SIK2: variants seen among roughly 807,000 people sequenced by gnomAD.
The protein encoded by SIK2 is serine/threonine-protein kinase SIK2.
SIK2 carries 29 observed loss-of-function variants against 103.2 expected under a neutral mutation model. The ratio of observed to expected loss-of-function variants is 0.28; its 90% CI spans 0.21 to 0.38. SIK2 has a LOEUF of 0.38. Among genes scored for constraint, SIK2 ranks in the 10% least tolerant of loss-of-function variants. SIK2 has a pLI of 1.00. For synonymous variants in SIK2, 412 were observed against 446.1 expected (o/e 0.92, Z 0.96); for missense variants, 879 against 1,171.0 (o/e 0.75, Z 3.64).
chr11:111,708,404 AT>A (rs1943409458), intron 8 of SIK2, among the ~76,000 whole-genome samples: 3 of 152,132 alleles, frequency 2.0e-5, no homozygotes, highest in South Asian at 4.1e-4. Flanking sequence ...ATAAAAAAAA[AT>A]AAATAAAGTA....
intron 3 of SIK2, among the ~76,000 whole-genome samples, chr11:111,658,336 G>A (rs1448257669): frequency 6.6e-6 from 1 of 151,938 alleles, no homozygotes; most frequent in Non-Finnish European, 1.5e-5. Context: ...TATTGGCCAG[G>A]CTGGTCTCAA....
rs1418934799 is a variant in SIK2, at chr11:111,649,522, G to A, written c.316+29120G>A. ...GGGAAAAGTCACTTATTAGGTACCAGGAGACTTGTGTAATTATCCAGCTCT... is the reference window on the plus strand; with the variant it reads ...GGGAAAAGTCACTTATTAGGTACCAAGAGACTTGTGTAATTATCCAGCTCT... On this transcript the variant is annotated intron_variant, in intron 3 of 14. Transcript: ENST00000304987. 3.9e-5 allele frequency among the ~76,000 whole-genome samples: 6 copies of A among 151,946 alleles called. 1 individual carries two copies. In the South Asian group the frequency reaches 6.2e-4, roughly 16 times the overall value.
At chr11:111,644,463 T>A (rs1312639879) in intron 3 of SIK2, among the ~76,000 whole-genome samples, 2 of 151,982 alleles carry the variant, frequency 1.3e-5, no homozygotes, top group Non-Finnish European at 2.9e-5. Flanking sequence ...CAGGCACGTA[T>A]CTCGTTTTCT....
At chr11:111,719,519 G>T (rs568264969) in intron 9 of SIK2, among the ~76,000 whole-genome samples, 1 of 151,950 alleles carries the variant, frequency 6.6e-6, no homozygotes, top group African/African-American at 2.4e-5. Context: ...GTTGTTTATT[G>T]TAATAATGAT....
intron 1 of SIK2, among the ~76,000 whole-genome samples, chr11:111,610,639 G>GT (rs1394303665): frequency 1.3e-5 from 2 of 151,886 alleles, no homozygotes. Context: ...CTTTCATAGT[G>GT]TTTTTTAAAA....
intron 3 of SIK2, among the ~76,000 whole-genome samples, chr11:111,648,765 T>A (rs902131475): frequency 4.6e-5 from 7 of 151,980 alleles, no homozygotes. Flanking sequence ...CATTGTATGT[T>A]TGTTCTTGTG....
Position 111,701,355 on chromosome 11 carries a change from C to T in SIK2, c.604-97C>T, listed in dbSNP as rs1943207651. 1 of 1,418,776 alleles carries T rather than the reference C, an allele frequency of 7.0e-7. No homozygotes were observed. Among genetic ancestry groups the T allele is most frequent in the African/African-American group, 1.4e-5 (1 of 69,624 alleles). The allele number at this position is 1,418,776 out of a possible 1,614,324, so 87.9% of individuals were successfully genotyped here. On this transcript the variant is annotated intron_variant, in intron 5 of 14. Coordinates refer to ENST00000304987, the MANE Select transcript of SIK2 (RefSeq NM_015191.3). This position sits in a 1 kb window ranked among gnomAD's most constrained non-coding sequence, Gnocchi z 4.2. ...ATAATAAATCCAGACAGGAATTTTT[C>T]AGTCCATATGATTTCAAGAGCCCTG...
intron 4 of SIK2, among the ~76,000 whole-genome samples, chr11:111,692,387 A>AAC (rs1565360226): frequency 8.8e-6 from 1 of 113,402 alleles, no homozygotes; most frequent in African/African-American, 3.1e-5. Context: ...AAAAAAAAAA[A>AAC]ACACAAAAAG....
intron 1 of SIK2, among the ~76,000 whole-genome samples, chr11:111,615,087 C>T (rs1436191615): frequency 6.6e-6 from 1 of 151,676 alleles, no homozygotes; most frequent in Non-Finnish European, 1.5e-5. Flanking sequence ...TGCAGTGAGC[C>T]AAGATCGTGC....
intron 12 of SIK2, among the ~76,000 whole-genome samples, 162 bp from the exon 13 acceptor site, chr11:111,721,668 G>A (rs1943804948): frequency 1.3e-5 from 2 of 152,200 alleles, no homozygotes; most frequent in African/African-American, 4.8e-5. Flanking sequence ...GTTCTGCAGA[G>A]TAATGAGCCC....
rs1944010578 is a variant in SIK2 at position 111,727,484 on chromosome 11, T to C, written c.*3355T>C. ...TTGTGTCCCTTCCCAACTCTGGTGC[T>C]GGAGTAATGGGGTGCTCTGCATTTT... On this transcript the variant is annotated 3_prime_UTR_variant, in exon 15 of 15. Coordinates refer to ENST00000304987, the MANE Select transcript of SIK2 (RefSeq NM_015191.3). 5.3e-6 allele frequency: 1 copy of C among 186,992 alleles called. No homozygotes were observed. The highest frequency in any genetic ancestry group is 1.4e-4 in the South Asian group (1 of 7,404). 11.6% of individuals were successfully genotyped at this position (186,992 alleles called of 1,614,324 possible). A position where few individuals can be genotyped will look rare whatever the true frequency, so the allele number is the denominator to read the frequency against.
chr11:111,625,561 G>C (rs962629698), intron 3 of SIK2, among the ~76,000 whole-genome samples: 1 of 152,312 alleles, frequency 6.6e-6, no homozygotes, highest in Admixed American at 6.5e-5. Context: ...TGGTATCCTA[G>C]AAACCAAGTG....
chr11:111,719,391 A>T (rs2135967676), intron 9 of SIK2, among the ~76,000 whole-genome samples: 1 of 124,616 alleles, frequency 8.0e-6, no homozygotes, highest in African/African-American at 2.9e-5. Flanking sequence ...TGAGCCAAGT[A>T]GTTAAAAAAA....
At chr11:111,646,425 G>A (rs1364995417) in intron 3 of SIK2, among the ~76,000 whole-genome samples, 1 of 152,078 alleles carries the variant, frequency 6.6e-6, no homozygotes, top group East Asian at 1.9e-4. Flanking sequence ...CTCCAGCCTG[G>A]GCAACAAGAG....
chr11:111,621,150 A>G (rs1591590945), intron 3 of SIK2, among the ~76,000 whole-genome samples: 1 of 152,232 alleles, frequency 6.6e-6, no homozygotes, highest in South Asian at 2.1e-4. Context: ...GTTTTGATAC[A>G]CGTTTGTGAA....
At chr11:111,678,561 T>C (rs1942736405) in intron 3 of SIK2, among the ~76,000 whole-genome samples, 1 of 152,226 alleles carries the variant, frequency 6.6e-6, no homozygotes, top group East Asian at 1.9e-4. Flanking sequence ...TTTATTCTCA[T>C]TGACTGAGAT....
At chr11:111,680,575 C>A (rs1403753937) in intron 3 of SIK2, among the ~76,000 whole-genome samples, 1 of 151,980 alleles carries the variant, frequency 6.6e-6, no homozygotes, top group Non-Finnish European at 1.5e-5. Context: ...TATTCAGCTC[C>A]ATCTTTGAGG....
chr11:111,692,366 A>C (rs942959163), intron 4 of SIK2, among the ~76,000 whole-genome samples: 1 of 123,392 alleles, frequency 8.1e-6, no homozygotes. Context: ...AAAAAAAAAA[A>C]AAAAAAAAAA....
intron 3 of SIK2, among the ~76,000 whole-genome samples, chr11:111,640,533 T>A (rs537055363): frequency 4.7e-4 from 71 of 152,306 alleles, no homozygotes; most frequent in African/African-American, 1.6e-3. Flanking sequence ...TTTGTTTCTT[T>A]ATCCCATTAT....
Sources: gnomAD v4.1 joint callset for allele counts (sites outside exome capture counted in the v4.1 genomes callset) on GRCh38, gnomAD v4.1.1 for gene constraint, Gnocchi (gnomAD v3.1) non-coding constraint, MANE v1.5 for transcripts, NCBI Gene and HGNC (gene_info 2026-07-23, HGNC 2026-07-21) for gene names.